The following CCDC141 variants were observed in gnomAD, a reference collection of about 807,000 sequenced individuals.
CCDC141 encodes coiled-coil domain-containing protein 141.
Under a neutral mutation model 181.0 loss-of-function variants are expected in CCDC141, and 168 were observed. The observed-to-expected ratio is 0.93, with a 90% confidence interval of 0.82 to 1.05. The LOEUF (loss-of-function observed/expected upper bound fraction) is 1.05, where lower values mean the gene tolerates loss of function less well. Ranked by LOEUF, CCDC141 falls within the 50% of genes least tolerant of loss-of-function variation. The pLI is 0.00. For synonymous variants in CCDC141, 666 were observed against 642.3 expected, an observed-to-expected ratio of 1.04 and a Z score of -0.56; for missense variants, 1,902 against 1,788.5, an observed-to-expected ratio of 1.06 and a Z score of -1.14.
At chr2:178,886,277 G>A (rs916584428) in intron 10 of CCDC141, among the ~76,000 whole-genome samples, 9 of 151,812 alleles carry the variant, frequency 5.9e-5, no homozygotes, top group African/African-American at 1.9e-4. Context: ...GCTGGAGAAG[G>A]TGCTGTGGTG....
Position 179,008,146 on chromosome 2 carries a change from C to T in CCDC141, c.226-29471G>A, listed in dbSNP as rs191048880. Among the ~76,000 whole-genome samples, 266 of 152,260 alleles carry T rather than the reference C, an allele frequency of 1.7e-3. 1 individual carries two copies. The highest frequency in any genetic ancestry group is 0.017 in the South Asian group (80 of 4,806). ...TCTGAATAAATAGATAGGCTTTAGG[C>T]TATATGTATCTCTTGTTTTAATAAA... On this transcript the variant is annotated intron_variant, in intron 2 of 23. Coordinates refer to ENST00000443758, the MANE Select transcript of CCDC141 (RefSeq NM_173648.4).
intron 16 of CCDC141, among the ~76,000 whole-genome samples, chr2:178,866,706 T>C (rs1685869152): frequency 6.6e-6 from 1 of 152,070 alleles, no homozygotes; most frequent in African/African-American, 2.4e-5. Flanking sequence ...GTTGTTGTTG[T>C]TGTTTCTGTT....
chr2:179,041,497 T>C (rs1423160257), intron 2 of CCDC141, among the ~76,000 whole-genome samples: 15 of 141,348 alleles, frequency 1.1e-4, no homozygotes, highest in Non-Finnish European at 1.7e-4. Flanking sequence ...GTGGGTTTTT[T>C]TTTTTTTTTT....
In CCDC141 at chr2:178,888,527, C is replaced by T; in HGVS notation, c.1407G>A (p.Lys469=). Residue 469 remains lysine (K), a splice_region_variant and synonymous_variant, in exon 9 of 24, where the codon AAG becomes AAA. Transcript: ENST00000443758. ...LTASVEGYLR[K]VEMSIQKISP... is the part of the protein sequence containing the mutation. ...TTTAAGTTTTAGTTTACGAAACTAC[C>T]TTCCGTAGGTAACCCTCCACTGAGG... 3 of 1,550,076 alleles carry T rather than the reference C, an allele frequency of 1.9e-6. No homozygotes were observed. The highest frequency in any genetic ancestry group is 2.6e-6 in the Non-Finnish European group (3 of 1,146,590).
At chr2:179,047,163 A>G in intron 2 of CCDC141, 121 bp downstream of exon 2, 1 of 711,058 alleles carries the variant, frequency 1.4e-6, no homozygotes. Flanking sequence ...TTTTTCCATT[A>G]TCTACCTGGT....
chr2:178,980,882 G>T (rs554425493), intron 2 of CCDC141, among the ~76,000 whole-genome samples: 7 of 151,844 alleles, frequency 4.6e-5, no homozygotes, highest in East Asian at 1.9e-4. Flanking sequence ...AAAGCTGGAT[G>T]AAAAAAAAGG....
chr2:178,842,010 C>T (rs1373840712), intron 22 of CCDC141, among the ~76,000 whole-genome samples: 5 of 152,136 alleles, frequency 3.3e-5, no homozygotes, highest in African/African-American at 1.2e-4. Context: ...GCTATCCAAA[C>T]ATTTACATAT....
intron 22 of CCDC141, 56 bp downstream of exon 22, chr2:178,845,570 G>T: frequency 1.1e-6 from 1 of 923,788 alleles, no homozygotes; most frequent in South Asian, 1.3e-5. Flanking sequence ...AATGGACAAT[G>T]ACTTTAACCT....
In CCDC141 at chr2:178,832,209, A is replaced by C. The variant is rs1012773057; in HGVS notation, c.*1964T>G. 5.9e-5 allele frequency: 9 copies of C among 152,164 alleles called. No homozygotes were observed. The highest frequency in any genetic ancestry group is 2.2e-4 in the African/African-American group (9 of 41,436). 9.4% of individuals were successfully genotyped at this position (152,164 alleles called of 1,614,324 possible). A position where few individuals can be genotyped will look rare whatever the true frequency, so the allele number is the denominator to read the frequency against. On this transcript the variant is annotated 3_prime_UTR_variant, in exon 24 of 24. Transcript: ENST00000443758. ...TTAGGCAAGATTCACACATTATTTG[A>C]AATTGGACAAAAAGGATACAAGAGG...
intron 3 of CCDC141, among the ~76,000 whole-genome samples, chr2:178,976,328 G>A (rs1000356728): frequency 1.3e-5 from 2 of 152,212 alleles, no homozygotes; most frequent in East Asian, 3.9e-4. Flanking sequence ...TCTGTTTCAA[G>A]TCTTCTCCAA....
intron 2 of CCDC141, among the ~76,000 whole-genome samples, chr2:179,039,894 T>A (rs1198378254): frequency 6.6e-6 from 1 of 152,222 alleles, no homozygotes; most frequent in African/African-American, 2.4e-5. Flanking sequence ...TCATTATTTT[T>A]AAAAGTCTTT....
downstream of CCDC141, among the ~76,000 whole-genome samples, chr2:178,827,454 T>C (rs186529417): frequency 3.3e-5 from 5 of 152,272 alleles, no homozygotes; most frequent in East Asian, 7.7e-4. Flanking sequence ...CTTCCTTATA[T>C]TGTATATATT....
At chr2:179,002,672 A>T (rs1294011487) in intron 2 of CCDC141, 1 of 159,224 alleles carries the variant, frequency 6.3e-6, no homozygotes, top group Non-Finnish European at 1.4e-5. Context: ...CTTTTGGCCA[A>T]AAGAATGAAG....
At chr2:179,009,238 A>T (rs1323365880) in intron 2 of CCDC141, among the ~76,000 whole-genome samples, 1 of 152,118 alleles carries the variant, frequency 6.6e-6, no homozygotes, top group Non-Finnish European at 1.5e-5. Context: ...TTTCTGCTGA[A>T]GCTGTTACAA....
chr2:179,043,518 C>T (rs909915098), intron 2 of CCDC141, among the ~76,000 whole-genome samples: 5 of 151,938 alleles, frequency 3.3e-5, no homozygotes, highest in Non-Finnish European at 5.9e-5. Flanking sequence ...GGCTTCATTC[C>T]CCAGATGCAA....
intron 2 of CCDC141, among the ~76,000 whole-genome samples, chr2:179,040,010 A>G (rs1220422417): frequency 6.6e-6 from 1 of 152,208 alleles, no homozygotes; most frequent in East Asian, 1.9e-4. Context: ...TACTAGTTAA[A>G]GTTTGTTAGG....
chr2:178,817,492 C>A, the CCDC141 span: 2 of 470,656 alleles, frequency 4.2e-6, no homozygotes, highest in African/African-American at 2.0e-5. Flanking sequence ...ACAATATATT[C>A]TTCTGAAAAT....
At chr2:178,950,508 T>C (rs1689910069) in intron 5 of CCDC141, among the ~76,000 whole-genome samples, 1 of 152,214 alleles carries the variant, frequency 6.6e-6, no homozygotes, top group Non-Finnish European at 1.5e-5. Flanking sequence ...TGCTGATGTT[T>C]GTACCTGCAG....
At chr2:178,906,261 T>C (rs1221309781) in intron 7 of CCDC141, among the ~76,000 whole-genome samples, 3 of 152,222 alleles carry the variant, frequency 2.0e-5, no homozygotes, top group African/African-American at 7.2e-5. Context: ...ATTAAGCTTA[T>C]AGAATTAACA....
Sources: gnomAD v4.1 joint callset for allele counts (sites outside exome capture counted in the v4.1 genomes callset) on GRCh38, gnomAD v4.1.1 for gene constraint, MANE v1.5 for transcripts, NCBI Gene and HGNC (gene_info 2026-07-23, HGNC 2026-07-21) for gene names.